Variants in DOCK4 observed in about 807,000 individuals in gnomAD.
The protein encoded by DOCK4 is dedicator of cytokinesis protein 4.
A neutral mutation model predicts 268.1 loss-of-function variants in DOCK4; 97 were observed. That is an observed-to-expected ratio of 0.36 (90% CI 0.31 to 0.43). The LOEUF (loss-of-function observed/expected upper bound fraction) is 0.43. Ranked by LOEUF, DOCK4 falls within the 20% of genes least tolerant of loss-of-function variation. The pLI, the probability that DOCK4 is intolerant of heterozygous loss-of-function variation, is 1.00. For synonymous variants in DOCK4, 954 were observed against 887.2 expected (o/e 1.08, Z -1.34); for missense variants, 2,145 against 2,455.7 (o/e 0.87, Z 2.67).
chr7:111,896,271 G>C (rs1395768646), intron 15 of DOCK4, among the ~76,000 whole-genome samples: 1 of 152,118 alleles, frequency 6.6e-6, no homozygotes, highest in Non-Finnish European at 1.5e-5. Context: ...CACGTTGAAA[G>C]ACAATATGAA....
chr7:112,055,362 C>T (rs977358399), intron 1 of DOCK4, among the ~76,000 whole-genome samples: 3 of 152,144 alleles, frequency 2.0e-5, no homozygotes, highest in African/African-American at 7.2e-5. Flanking sequence ...TCGCATACCC[C>T]CACACTCACT....
intron 26 of DOCK4, among the ~76,000 whole-genome samples, chr7:111,828,890 A>ATATATATATATATATATG (rs1802600468): frequency 1.4e-5 from 1 of 69,270 alleles, no homozygotes; most frequent in Non-Finnish European, 2.3e-5. Flanking sequence ...GTGTGTGTGT[A>ATATATATATATATATATG]TATATATATA....
intron 39 of DOCK4, among the ~76,000 whole-genome samples, chr7:111,761,709 C>T (rs561679304): frequency 6.6e-6 from 1 of 152,200 alleles, no homozygotes; most frequent in Admixed American, 6.5e-5. Flanking sequence ...AGGGCAGCTG[C>T]AGGCAGGTAG....
chr7:111,930,896 A>G (rs920922798), intron 12 of DOCK4, among the ~76,000 whole-genome samples: 6 of 152,220 alleles, frequency 3.9e-5, no homozygotes, highest in Non-Finnish European at 5.9e-5. Flanking sequence ...TGGGAAGAGT[A>G]TAAGTTTTGC....
Position 111,747,429 on chromosome 7 carries a change from A to G in DOCK4, c.4431T>C (p.Pro1477=), listed in dbSNP as rs765288638. 8.7e-6 allele frequency: 14 copies of G among 1,600,872 alleles called. No homozygotes were observed. Among genetic ancestry groups the G allele is most frequent in the Non-Finnish European group, 8.5e-7 (1 of 1,173,700 alleles). ...VEKREVVEMS[P]LENAIEVLEN... ...CTAGCACTTCAATTGCATTTTCCAG[A>G]GGACTCATTTCTACCTGAGAAGCAA... is the stretch of plus-strand genomic sequence containing the variant. The change falls in exon 43 of 53, where the codon CCT becomes CCC. Residue 1477 remains proline, a synonymous_variant. Coordinates refer to ENST00000428084, the MANE Select transcript of DOCK4 (RefSeq NM_001363540.2).
At chr7:111,867,467 G>T (rs1806065815) in intron 22 of DOCK4, among the ~76,000 whole-genome samples, 1 of 152,066 alleles carries the variant, frequency 6.6e-6, no homozygotes, top group Non-Finnish European at 1.5e-5. Flanking sequence ...AAAACATGTG[G>T]GGCTACTTCC....
At chr7:112,027,735 CA>C (rs1223986647) in intron 1 of DOCK4, among the ~76,000 whole-genome samples, 1 of 152,088 alleles carries the variant, frequency 6.6e-6, no homozygotes, top group African/African-American at 2.4e-5. Flanking sequence ...GGCACAGGCT[CA>C]GAAAATAGAA....
At chr7:111,948,904 GCT>G (rs1795836012) in intron 8 of DOCK4, among the ~76,000 whole-genome samples, 1 of 148,166 alleles carries the variant, frequency 6.7e-6, no homozygotes. Context: ...AACGAAACAT[GCT>G]TAGAAAAAAA....
chr7:111,902,414 T>C (rs979559497), intron 13 of DOCK4, among the ~76,000 whole-genome samples: 1 of 152,204 alleles, frequency 6.6e-6, no homozygotes, highest in Non-Finnish European at 1.5e-5. Flanking sequence ...TATATTCAAA[T>C]AGACACATTC....
chr7:111,904,683 G>C (rs1791414305), intron 13 of DOCK4, among the ~76,000 whole-genome samples: 1 of 152,086 alleles, frequency 6.6e-6, no homozygotes, highest in Admixed American at 6.6e-5. Flanking sequence ...ATCAGAATAA[G>C]GAGATACAGG....
At chr7:111,771,033 C>G (rs964857347) in intron 36 of DOCK4, among the ~76,000 whole-genome samples, 5 of 152,254 alleles carry the variant, frequency 3.3e-5, no homozygotes, top group Admixed American at 6.5e-5. Context: ...CCAGCAGTCT[C>G]TTATCCCCCT....
chr7:111,728,314 G>A lies in DOCK4; in HGVS notation c.5888C>T (p.Pro1963Leu), dbSNP rs768270066. Residue 1963 changes from proline to leucine, a missense_variant, in exon 53 of 53, where the codon CCG becomes CTG. Pro to Leu is a moderately conservative substitution (Grantham distance 98). Around this residue, in one of 2 missense-constraint regions of DOCK4, gnomAD observed 547 missense variants for 469.0 expected, o/e 1.17. Coordinates refer to ENST00000428084, the MANE Select transcript of DOCK4 (RefSeq NM_001363540.2). ...ENGARRTDPG[P>L]RPRPLPRKVS... ...CTTGCGGGGCAGGGGCCTGGGCCGCGGGCCGGGGTCAGTCCTCCGGGCCCC... is the reference window on the plus strand; with the variant it reads ...CTTGCGGGGCAGGGGCCTGGGCCGCAGGCCGGGGTCAGTCCTCCGGGCCCC... 4.0e-6 allele frequency: 6 copies of A among 1,509,058 alleles called. No homozygotes were observed. Among genetic ancestry groups the A allele is most frequent in the East Asian group, 4.6e-5 (2 of 43,614 alleles). The allele number at this position is 1,509,058 out of a possible 1,614,324, so 93.5% of individuals were successfully genotyped here.
At chr7:112,163,663 A>T (rs1817339994) in intron 1 of DOCK4, among the ~76,000 whole-genome samples, 1 of 152,230 alleles carries the variant, frequency 6.6e-6, no homozygotes, top group Non-Finnish European at 1.5e-5. Flanking sequence ...AATATTGATT[A>T]ATTTAATAGT....
In DOCK4 at chr7:112,137,715, G is replaced by C. The variant is rs569292193; in HGVS notation, c.37+68387C>G. Among the ~76,000 whole-genome samples, 5 of 152,206 alleles carry C rather than the reference G, an allele frequency of 3.3e-5. No individual in the cohort carries two copies. The South Asian group carries it at 1.0e-3, about 32-fold the overall frequency. ...TGGCTAATCTCTTTTCCATATTTGAGAAATGTCCTCAAAAGTAGAGATACC... is the reference window on the plus strand; with the variant it reads ...TGGCTAATCTCTTTTCCATATTTGACAAATGTCCTCAAAAGTAGAGATACC... On this transcript the variant is annotated intron_variant, in intron 1 of 52. Coordinates refer to ENST00000428084, the MANE Select transcript of DOCK4 (RefSeq NM_001363540.2).
intron 30 of DOCK4, among the ~76,000 whole-genome samples, chr7:111,803,875 T>C (rs1365124304): frequency 6.6e-5 from 10 of 152,132 alleles, no homozygotes; most frequent in African/African-American, 2.4e-4. Flanking sequence ...AATACATTAT[T>C]TTACCAAAAC....
chr7:111,797,148 CA>C (rs1310955100), intron 30 of DOCK4, among the ~76,000 whole-genome samples: 6 of 152,106 alleles, frequency 3.9e-5, no homozygotes, highest in Non-Finnish European at 7.4e-5. Flanking sequence ...AAGAGAAAAG[CA>C]ACTCATTTTC....
intron 23 of DOCK4, among the ~76,000 whole-genome samples, chr7:111,850,113 C>T (rs976686003): frequency 6.6e-6 from 1 of 152,050 alleles, no homozygotes; most frequent in Admixed American, 6.5e-5. Context: ...TCTGTAAGTA[C>T]AGATACAAAA....
rs547091412 is a variant in DOCK4, at chr7:112,098,563, G to C, written c.38-94432C>G. Among the ~76,000 whole-genome samples the C allele has an allele frequency of 2.0e-5, 3 of 149,322 alleles. No individual in the cohort carries two copies. In the East Asian group the frequency reaches 5.8e-4, roughly 29 times the overall value. ...TACTATTTTATATAATATATAGATA[G>C]ATAATTTTATAGATTATGTAAGATT... is the stretch of plus-strand genomic sequence containing the variant. On this transcript the variant is annotated intron_variant, in intron 1 of 52. Coordinates refer to ENST00000428084, the MANE Select transcript of DOCK4 (RefSeq NM_001363540.2).
chr7:112,002,028 A>T (rs1586614094), intron 2 of DOCK4, among the ~76,000 whole-genome samples: 1 of 152,240 alleles, frequency 6.6e-6, no homozygotes, highest in East Asian at 1.9e-4. Flanking sequence ...TATGTAGTAA[A>T]TATTATGCCT....
Sources: gnomAD v4.1 joint callset for allele counts (sites outside exome capture counted in the v4.1 genomes callset) on GRCh38, gnomAD v4.1.1 for gene constraint, gnomAD v4.1.1 regional missense constraint, MANE v1.5 for transcripts, NCBI Gene and HGNC (gene_info 2026-07-23, HGNC 2026-07-21) for gene names.